TMEM177: variants seen among roughly 807,000 people sequenced by gnomAD.
TMEM177 encodes the protein transmembrane protein 177.
Under a neutral mutation model 14.2 loss-of-function variants are expected in TMEM177, and 4 were observed. The observed-to-expected ratio is 0.28, with a 90% CI of 0.14 to 0.64. The LOEUF (loss-of-function observed/expected upper bound fraction) is 0.64. Ranked by LOEUF, TMEM177 falls within the 30% of genes least tolerant of loss-of-function variation. The pLI, the probability that TMEM177 is intolerant of heterozygous loss-of-function variation, is 0.82. For synonymous variants in TMEM177, 179 were observed against 174.5 expected, an observed-to-expected ratio of 1.03 and a Z score of -0.20; for missense variants, 344 against 405.2, an observed-to-expected ratio of 0.85 and a Z score of 1.30.
chr2:119,686,564 C>G (rs116184356), downstream of TMEM177: 2,134 of 152,152 alleles, frequency 0.014, 21 homozygotes, highest in Non-Finnish European at 0.021. Flanking sequence ...TCCTTTACAC[C>G]TACTCTACAG....
the TMEM177 span, among the ~76,000 whole-genome samples, chr2:119,704,070 A>T: frequency 2.6e-5 from 4 of 152,238 alleles, no homozygotes; most frequent in African/African-American, 9.7e-5. Flanking sequence ...CTTTATCTGT[A>T]TTATTTCACT....
chr2:119,688,437 A>G (rs1172294152), downstream of TMEM177, among the ~76,000 whole-genome samples: 1 of 152,204 alleles, frequency 6.6e-6, no homozygotes, highest in African/African-American at 2.4e-5. Flanking sequence ...TACTTACACA[A>G]ACCTGGATGG....
chr2:119,685,223 C>G (rs974656406), downstream of TMEM177, among the ~76,000 whole-genome samples: 5 of 87,930 alleles, frequency 5.7e-5, no homozygotes, highest in South Asian at 4.7e-4. Flanking sequence ...CCCCCCCCCC[C>G]CTTTGCAGGC....
chr2:119,704,155 A>G, the TMEM177 span, among the ~76,000 whole-genome samples: 1 of 152,266 alleles, frequency 6.6e-6, no homozygotes, highest in Non-Finnish European at 1.5e-5. Context: ...AAAGCATTTG[A>G]AAGCATGGTC....
the TMEM177 span, among the ~76,000 whole-genome samples, chr2:119,692,829 C>T: frequency 1.3e-5 from 2 of 151,886 alleles, no homozygotes; most frequent in Admixed American, 6.6e-5. Context: ...AAAAATTAGC[C>T]GGGTGTGGTG....
the TMEM177 span, among the ~76,000 whole-genome samples, chr2:119,720,349 A>C: frequency 6.6e-6 from 1 of 151,598 alleles, no homozygotes; most frequent in Non-Finnish European, 1.5e-5. Context: ...ATCTCGGCTC[A>C]CCGCAACCTC....
the TMEM177 span, among the ~76,000 whole-genome samples, chr2:119,709,615 A>G: frequency 6.6e-6 from 1 of 152,150 alleles, no homozygotes; most frequent in African/African-American, 2.4e-5. Context: ...AGGTCAGGAG[A>G]TTGAGACCAT....
chr2:119,704,574 C>A, the TMEM177 span, among the ~76,000 whole-genome samples: 93 of 151,008 alleles, frequency 6.2e-4, no homozygotes, highest in Non-Finnish European at 9.4e-4. Context: ...CTCCAGACTC[C>A]GTCTCAAAAA....
At chr2:119,699,847 C>A in the TMEM177 span, 4 of 407,314 alleles carry the variant, frequency 9.8e-6, no homozygotes, top group South Asian at 5.9e-5. Context: ...GACACAAGGT[C>A]AGTGGTCCAA....
At chr2:119,679,349 C>T (rs1201419988) in intron 1 of TMEM177, 73 bp downstream of exon 1, 2 of 152,328 alleles carry the variant, frequency 1.3e-5, no homozygotes, top group Admixed American at 6.5e-5. Context: ...CTGCGGGGCT[C>T]CTGCAGCCCC....
downstream of TMEM177, among the ~76,000 whole-genome samples, chr2:119,682,889 G>A (rs1337842180): frequency 6.6e-6 from 1 of 152,178 alleles, no homozygotes; most frequent in Middle Eastern, 3.2e-3. Context: ...CAGGACCCAG[G>A]GGAGACTGCA....
At chr2:119,707,060 C>A in the TMEM177 span, among the ~76,000 whole-genome samples, 1 of 151,916 alleles carries the variant, frequency 6.6e-6, no homozygotes, top group Non-Finnish European at 1.5e-5. Flanking sequence ...CACAGGCGCC[C>A]ACCACAACGC....
chr2:119,689,168 C>T (rs1389373319), downstream of TMEM177, among the ~76,000 whole-genome samples: 2 of 152,222 alleles, frequency 1.3e-5, no homozygotes, highest in Non-Finnish European at 2.9e-5. Flanking sequence ...GGCTCTTACT[C>T]ATGCAATCCT....
chr2:119,695,015 T>C, the TMEM177 span, among the ~76,000 whole-genome samples: 49 of 152,294 alleles, frequency 3.2e-4, no homozygotes, highest in Admixed American at 1.0e-3. Context: ...GAGGCAGCGC[T>C]GCAAATTTTT....
At chr2:119,718,321 C>T in the TMEM177 span, among the ~76,000 whole-genome samples, 4 of 152,178 alleles carry the variant, frequency 2.6e-5, 1 homozygote, top group Admixed American at 1.3e-4. Context: ...AGGAGCACCA[C>T]ACACCCCACC....
the TMEM177 span, among the ~76,000 whole-genome samples, chr2:119,705,972 G>GGC: frequency 4.6e-5 from 3 of 65,862 alleles, no homozygotes; most frequent in Admixed American, 3.3e-4. Flanking sequence ...CAGGAATTCT[G>GGC]GCTCTCTCTC....
At chr2:119,685,620 G>T (rs770528023), downstream of TMEM177, 3 of 716,716 alleles carry the variant, frequency 4.2e-6, no homozygotes, top group Non-Finnish European at 7.8e-6. Flanking sequence ...TCCCAATTGG[G>T]GCATGTGGTT....
downstream of TMEM177, among the ~76,000 whole-genome samples, chr2:119,683,923 A>G (rs1299123486): frequency 2.4e-5 from 1 of 41,092 alleles, no homozygotes; most frequent in Admixed American, 2.6e-4. Context: ...CCACCCTCCC[A>G]CTGCATGACT....
At chr2:119,722,135 CTT>C in the TMEM177 span, among the ~76,000 whole-genome samples, 2 of 152,146 alleles carry the variant, frequency 1.3e-5, no homozygotes, top group African/African-American at 4.8e-5. Context: ...AATCCCAACA[CTT>C]TGGGAGGCCA....
Sources: gnomAD v4.1 joint callset for allele counts (sites outside exome capture counted in the v4.1 genomes callset) on GRCh38, gnomAD v4.1.1 for gene constraint, MANE v1.5 for transcripts, NCBI Gene and HGNC (gene_info 2026-07-23, HGNC 2026-07-21) for gene names.